WDR87: variants seen among roughly 807,000 people sequenced by gnomAD.
WDR87 encodes WD repeat domain 87.
WDR87 carries 56 observed loss-of-function variants against 83.3 expected under a neutral mutation model. The ratio of observed to expected loss-of-function variants is 0.67; its 90% CI spans 0.54 to 0.84. The LOEUF is 0.84. Among genes scored for constraint, WDR87 ranks in the 40% least tolerant of loss-of-function variants. WDR87 has a pLI of 0.00. For missense variants in WDR87, 2,939 were observed against 3,431.9 expected, an observed-to-expected ratio of 0.86 and a Z score of 3.59; for synonymous variants, 1,173 against 1,250.6, an observed-to-expected ratio of 0.94 and a Z score of 1.31.
chr19:37,897,898 A>C (rs1412713542), intron 2 of WDR87, among the ~76,000 whole-genome samples: 5 of 152,100 alleles, frequency 3.3e-5, no homozygotes, highest in African/African-American at 1.2e-4. Context: ...AAAATAAATA[A>C]AATAAAATAA....
rs1266209677 is a variant in WDR87 at position 37,893,579 on chromosome 19, G to A, written c.2124C>T (p.Phe708=). 1 of 1,550,358 alleles carries A rather than the reference G, an allele frequency of 6.5e-7. No homozygotes were observed. The highest frequency in any genetic ancestry group is 8.7e-7 in the Non-Finnish European group (1 of 1,145,598). The part of the protein sequence containing the change: ...VPKPFIPSFF[F]SFETMFVPKY... ...TGGGCACAAACATGGTCTCAAAGGA[G>A]AAGAAGAAGCTTGGTATGAAAGGCT... Residue 708 remains phenylalanine (F), a synonymous_variant, in exon 4 of 6, where the codon TTC becomes TTT. Transcript: ENST00000447313.
In WDR87 at chr19:37,886,411, T is replaced by G; in HGVS notation, c.7260A>C (p.Ile2420=). Residue 2420 remains isoleucine, a synonymous_variant, in exon 6 of 6, where the codon ATA becomes ATC. Transcript: ENST00000447313. ...RGVPHGKGRA[I]RLGVLKSPLK... ...AAGGGCTTTTTAGAACTCCTAGTCT[T>G]ATAGCCCTGCCTTTGCCATGAGGAA... The G allele has an allele frequency of 6.5e-7, 1 of 1,541,356 alleles. No homozygotes were observed. Among genetic ancestry groups the G allele is most frequent in the Non-Finnish European group, 8.7e-7 (1 of 1,144,250 alleles).
rs755150878 is a variant in WDR87 at position 37,887,959 on chromosome 19, T to G, written c.5712A>C (p.Glu1904Asp). 27 of 1,551,102 alleles carry G rather than the reference T, an allele frequency of 1.7e-5. No individual in the cohort carries two copies. The Middle Eastern group carries it at 8.3e-4, about 48-fold the overall frequency. The change falls in exon 6 of 6, where the codon GAA becomes GAC. Residue 1904 changes from glutamate (E) to aspartate (D), a missense_variant. By Grantham distance (45) the Glu-to-Asp change is conservative (BLOSUM62 2). Coordinates refer to ENST00000447313, the MANE Select transcript of WDR87 (RefSeq NM_001291088.2). ...QRKENLLYNK[E>D]RLTHSKKQLV... is the part of the protein sequence containing the mutation. ...ATTGCTTTTTGCTGTGGGTGAGTCTTTCTTTATTATAGAGTAGGTTCTCTT... is the reference window on the plus strand; with the variant it reads ...ATTGCTTTTTGCTGTGGGTGAGTCTGTCTTTATTATAGAGTAGGTTCTCTT...
chr19:37,894,277 G>T lies in WDR87; in HGVS notation c.1426C>A (p.Leu476Met). 6.4e-7 allele frequency: 1 copy of T among 1,551,726 alleles called. No homozygotes were observed. The highest frequency in any genetic ancestry group is 8.7e-7 in the Non-Finnish European group (1 of 1,147,002). The change falls in exon 4 of 6, where the codon CTG becomes ATG. Residue 476 changes from leucine to methionine, a missense_variant. This residue lies in a region of WDR87 where 553 missense variants were observed against 577.9 expected (regional missense o/e 0.96). Coordinates refer to ENST00000447313, the MANE Select transcript of WDR87 (RefSeq NM_001291088.2). ...CCACTCTGGTGCCCAGAGAATATCA[G>T]TCCCTCTAGACCCCGCCCCAAGTTG... ...HFNLGRGLEG[L>M]IFSGHQSGVI...
Position 37,889,813 on chromosome 19 carries a change from A to G in WDR87, c.3858T>C (p.Cys1286=). Residue 1286 remains cysteine, a synonymous_variant, in exon 6 of 6, where the codon TGT becomes TGC. Transcript: ENST00000447313. Reference sequence around the variant, plus strand: ...CAGATATCCTCAGGGCCATAAGACGACATAGATCGTCCCTCCATGATGAGC... The same window carrying G: ...CAGATATCCTCAGGGCCATAAGACGGCATAGATCGTCCCTCCATGATGAGC... ...GDGSSWRDDL[C]RLMALRISGS... 1 of 1,551,726 alleles carries G rather than the reference A, an allele frequency of 6.4e-7. No homozygotes were observed. Among genetic ancestry groups the G allele is most frequent in the Non-Finnish European group, 8.7e-7 (1 of 1,147,012 alleles).
At position 37,895,073 on chromosome 19, in the gene WDR87, G is replaced by A; in HGVS notation, c.630C>T (p.Leu210=). Residue 210 remains leucine, a synonymous_variant, in exon 4 of 6, where the codon CTC becomes CTT. Transcript: ENST00000447313. ...DIVLNGPSGS[L]LALCETVVRV... ...TCACCACCGTCTCACACAGGGCCAG[G>A]AGGGAGCCACTGGGACCATTCAGCA... is the stretch of plus-strand genomic sequence containing the variant. The A allele has an allele frequency of 6.4e-7, 1 of 1,551,698 alleles. No individual in the cohort carries two copies. Among genetic ancestry groups the A allele is most frequent in the Non-Finnish European group, 8.7e-7 (1 of 1,146,990 alleles).
At position 37,894,431 on chromosome 19, in the gene WDR87, G is replaced by C. The variant is rs1351297003; in HGVS notation, c.1272C>G (p.Leu424=). 1 of 1,551,626 alleles carries C rather than the reference G, an allele frequency of 6.4e-7. No homozygotes were observed. The highest frequency in any genetic ancestry group is 8.7e-7 in the Non-Finnish European group (1 of 1,147,010). The change falls in exon 4 of 6, where the codon CTC becomes CTG. Residue 424 remains leucine, a synonymous_variant. Transcript: ENST00000447313. The part of the protein sequence containing the change: ...DWAYDPGKEE[L]FVATGSSEVL... ...CCTCTGAGCTGCCTGTTGCTACAAA[G>C]AGCTCCTCTTTACCTGGGTCGTAGG...
Position 37,905,231 on chromosome 19 carries a change from C to CA in WDR87, c.-47+1267dup, listed in dbSNP as rs556366437. ...TGGCGACAGAGTGGGACTCCGTCTC[C>CA]AAAAAAAAAAAAAAAAAAAGTAGAA... On this transcript the variant is annotated intron_variant, in intron 1 of 5. Coordinates refer to ENST00000447313, the MANE Select transcript of WDR87 (RefSeq NM_001291088.2). Among the ~76,000 whole-genome samples, 415 of 63,670 alleles carry CA rather than the reference C, an allele frequency of 6.5e-3. 2 individuals are homozygous for CA. Among genetic ancestry groups the CA allele is most frequent in the South Asian group, 9.9e-3 (19 of 1,928 alleles). The allele number at this position is 63,670 out of a possible 152,430, so 41.8% of individuals were successfully genotyped here. A position where few individuals can be genotyped will look rare whatever the true frequency, so the allele number is the denominator to read the frequency against.
At chr19:37,898,658 CTG>C (rs1185240865) in intron 1 of WDR87, among the ~76,000 whole-genome samples, 1 of 152,142 alleles carries the variant, frequency 6.6e-6, no homozygotes, top group African/African-American at 2.4e-5. Flanking sequence ...TTTGTGAAGA[CTG>C]TGGGTTCTCA....
At position 37,885,611 on chromosome 19, in the gene WDR87, C is replaced by A. The variant is rs1378358590; in HGVS notation, c.8060G>T (p.Ser2687Ile). The A allele has an allele frequency of 6.4e-7, 1 of 1,551,762 alleles. No individual in the cohort carries two copies. The highest frequency in any genetic ancestry group is 8.7e-7 in the Non-Finnish European group (1 of 1,147,020). ...AATGGATATCTGCTGTGCCCTCTCA[C>A]TTCTGTAAGGTTCTCCTAGAAGATG... ...NWHLLGEPYRSERAQQISIAH... is the reference protein window; with the variant it reads ...NWHLLGEPYRIERAQQISIAH... The change falls in exon 6 of 6, where the codon AGT becomes ATT. Residue 2687 changes from serine to isoleucine, a missense_variant. Transcript: ENST00000447313.
Position 37,892,678 on chromosome 19 carries a change from C to T in WDR87, c.3025G>A (p.Val1009Met). The part of the protein sequence containing the change: ...AQGLMDKDER[V>M]RIKTLSLMAE... ...ATGAGGCTTAGGGTCTTGATCCTCA[C>T]TCTTTCATCCTTGTCCATTAATCCT... Residue 1009 changes from valine to methionine, a missense_variant, in exon 4 of 6, where the codon GTG becomes ATG. This residue lies in a region of WDR87 where 2,160 missense variants were observed against 2,533.1 expected (regional missense o/e 0.85). Transcript: ENST00000447313. The T allele has an allele frequency of 1.3e-6, 2 of 1,551,830 alleles. No individual in the cohort carries two copies. The highest frequency in any genetic ancestry group is 1.7e-6 in the Non-Finnish European group (2 of 1,147,016).
Position 37,889,990 on chromosome 19 carries a change from G to C in WDR87, c.3681C>G (p.Leu1227=). Residue 1227 remains leucine (L), a synonymous_variant, in exon 6 of 6, where the codon CTC becomes CTG. Coordinates refer to ENST00000447313, the MANE Select transcript of WDR87 (RefSeq NM_001291088.2). The stretch of plus-strand genomic sequence containing the variant: ...TTCCCTTCTTTTTGTGCTTCTTTTT[G>C]AGTTTCTGAGCTGTTGCTTTCTTGT... ...KRDKKATAQK[L]KKKHKKKGKE... 6.4e-7 allele frequency: 1 copy of C among 1,551,486 alleles called. No homozygotes were observed. Among genetic ancestry groups the C allele is most frequent in the African/African-American group, 1.4e-5 (1 of 73,076 alleles).
In WDR87 at chr19:37,889,154, C is replaced by T; in HGVS notation, c.4517G>A (p.Trp1506Ter). The change falls in exon 6 of 6, where the codon TGG (tryptophan) becomes TAG (stop). Residue 1506 changes from tryptophan (W) to a stop codon, truncating the protein, a stop_gained. Transcript: ENST00000447313. LOFTEE classifies it low-confidence loss of function (END_TRUNC). ...WQDWKKAWDE[W>*]KQVHGETRKS... Reference sequence around the variant, plus strand: ...CCTTGTCTCACCATGGACCTGTTTCCACTCATCCCAGGCCTTTTTCCAGTC... The same window carrying T: ...CCTTGTCTCACCATGGACCTGTTTCTACTCATCCCAGGCCTTTTTCCAGTC... 2 of 1,552,306 alleles carry T rather than the reference C, an allele frequency of 1.3e-6. No individual in the cohort carries two copies. The highest frequency in any genetic ancestry group is 2.4e-5 in the East Asian group (1 of 40,896).
rs557031994 is a variant in WDR87 at position 37,885,907 on chromosome 19, C to T, written c.7764G>A (p.Leu2588=). ...AGGCAAGGTCTTTGAGCAGCTGGCA[C>T]AGTCTATGGAAACCATCCCTGGAAA... ...EQLSRDGFHR[L]CQLLKDLASK... Residue 2588 remains leucine (L), a synonymous_variant, in exon 6 of 6, where the codon CTG becomes CTA. Transcript: ENST00000447313. The T allele has an allele frequency of 1.9e-6, 3 of 1,552,202 alleles. No individual in the cohort carries two copies. The highest frequency in any genetic ancestry group is 1.7e-6 in the Non-Finnish European group (2 of 1,147,148).
In WDR87 at chr19:37,893,638, TAAAGG is replaced by T. The variant is rs748317096; in HGVS notation, c.2060_2064del (p.Ser687TyrfsTer6). 1.6e-4 allele frequency: 243 copies of T among 1,552,020 alleles called. No individual in the cohort carries two copies. The highest frequency in any genetic ancestry group is 5.0e-4 in the Middle Eastern group (3 of 6,018). On this transcript the variant is annotated frameshift_variant, in exon 4 of 6. Coordinates refer to ENST00000447313, the MANE Select transcript of WDR87 (RefSeq NM_001291088.2). LOFTEE classifies it high-confidence loss of function. ...TCCAGTACTTCATCTGATATGCTCATAAAGGAAAGGCGAGTCAGCAGGGCTGGGGG... is the reference window on the plus strand; with the variant it reads ...TCCAGTACTTCATCTGATATGCTCATAAAGGCGAGTCAGCAGGGCTGGGGG...
chr19:37,890,313 A>G lies in WDR87; in HGVS notation c.3395-37T>C, dbSNP rs1170015364. ...ATCGAGAGATGGAGGTAAGCAAAGT[A>G]TGGGAAGCGACATGAAACCCTTCCC... is the stretch of plus-strand genomic sequence containing the variant. On this transcript the variant is annotated intron_variant, in intron 5 of 5. Transcript: ENST00000447313. 7 of 1,481,838 alleles carry G rather than the reference A, an allele frequency of 4.7e-6. No homozygotes were observed. In the African/African-American group the frequency reaches 5.7e-5, roughly 12 times the overall value. The allele number at this position is 1,481,838 out of a possible 1,614,324, so 91.8% of individuals were successfully genotyped here.
At chr19:37,905,115 C>T (rs539305449) in intron 1 of WDR87, among the ~76,000 whole-genome samples, 1 of 151,928 alleles carries the variant, frequency 6.6e-6, no homozygotes, top group East Asian at 1.9e-4. Flanking sequence ...GCCTGTAATC[C>T]CAGCTACTTG....
intron 4 of WDR87, 59 bp from the exon 5 acceptor site, chr19:37,891,879 G>A: frequency 6.6e-7 from 1 of 1,513,324 alleles, no homozygotes; most frequent in Non-Finnish European, 8.8e-7. Context: ...GGGAGAATGG[G>A]AAGCAAAAAA....
intron 1 of WDR87, among the ~76,000 whole-genome samples, chr19:37,902,577 A>G (rs2046299969): frequency 6.6e-6 from 1 of 152,208 alleles, no homozygotes; most frequent in Non-Finnish European, 1.5e-5. Context: ...TCTGTGGCCA[A>G]TTTAGCGTGA....
Sources: gnomAD v4.1 joint callset for allele counts (sites outside exome capture counted in the v4.1 genomes callset) on GRCh38, gnomAD v4.1.1 for gene constraint, gnomAD v4.1.1 regional missense constraint, MANE v1.5 for transcripts, NCBI Gene and HGNC (gene_info 2026-07-23, HGNC 2026-07-21) for gene names.